The following CCSER1 variants were observed in gnomAD, a reference collection of about 807,000 sequenced individuals.
CCSER1 encodes serine-rich coiled-coil domain-containing protein 1.
CCSER1 carries 41 observed loss-of-function variants against 82.0 expected under a neutral mutation model. The observed-to-expected ratio is 0.50, with a 90% CI of 0.39 to 0.65. The LOEUF (loss-of-function observed/expected upper bound fraction) is 0.65, where lower values mean the gene tolerates loss of function less well. Among genes scored for constraint, CCSER1 ranks in the 30% least tolerant of loss-of-function variants. The pLI, the probability that CCSER1 is intolerant of heterozygous loss-of-function variation, is 0.00. For missense variants in CCSER1, 1,119 were observed against 1,064.2 expected (o/e 1.05, Z -0.72); for synonymous variants, 414 against 383.9 (o/e 1.08, Z -0.92).
At position 90,449,695 on chromosome 4, in the gene CCSER1, G is replaced by C. The variant is rs116403741; in HGVS notation, c.1604-18539G>C. Among the ~76,000 whole-genome samples the C allele has an allele frequency of 8.1e-3, 1,227 of 152,330 alleles. 14 individuals are homozygous for C. Among genetic ancestry groups the C allele is most frequent in the African/African-American group, 0.028 (1,172 of 41,582 alleles). Reference sequence around the variant, plus strand: ...CACACCTGGCTGGGTCATAACAGTTGTCAGGCTTGGCAACAACTTTGCTCC... The same window carrying C: ...CACACCTGGCTGGGTCATAACAGTTCTCAGGCTTGGCAACAACTTTGCTCC... On this transcript the variant is annotated intron_variant, in intron 4 of 10. Coordinates refer to ENST00000509176, the MANE Select transcript of CCSER1 (RefSeq NM_001145065.2).
intron 5 of CCSER1, among the ~76,000 whole-genome samples, chr4:90,573,370 T>C (rs1264701552): frequency 6.6e-6 from 1 of 152,236 alleles, no homozygotes; most frequent in Non-Finnish European, 1.5e-5. Flanking sequence ...TATGGGACTA[T>C]AGGGATATCC....
chr4:90,326,055 C>CTTTTTTT (rs371592827), intron 3 of CCSER1, among the ~76,000 whole-genome samples: 135 of 111,590 alleles, frequency 1.2e-3, no homozygotes, highest in African/African-American at 3.9e-3. Flanking sequence ...TATGTGATAC[C>CTTTTTTT]TTTTTTTTTT....
rs76886272 is a variant in CCSER1, at chr4:90,333,906, T to G, written c.1509+20859T>G. Reference sequence around the variant, plus strand: ...TAGACAAAAACATTTGTATCATCATTGGATACAAATTTGCAAGTTACCTTT... The same window carrying G: ...TAGACAAAAACATTTGTATCATCATGGGATACAAATTTGCAAGTTACCTTT... On this transcript the variant is annotated intron_variant, in intron 3 of 10. Coordinates refer to ENST00000509176, the MANE Select transcript of CCSER1 (RefSeq NM_001145065.2). 9.2e-5 allele frequency among the ~76,000 whole-genome samples: 14 copies of G among 152,292 alleles called. No individual in the cohort carries two copies. In the East Asian group the frequency reaches 2.7e-3, roughly 29 times the overall value.
intron 10 of CCSER1, among the ~76,000 whole-genome samples, chr4:91,392,507 A>G (rs568903550): frequency 2.0e-5 from 3 of 152,246 alleles, no homozygotes; most frequent in African/African-American, 7.2e-5. Flanking sequence ...AGATTGCATA[A>G]TCCAGCTAAA....
intron 6 of CCSER1, among the ~76,000 whole-genome samples, chr4:90,718,707 G>T (rs1351266113): frequency 6.6e-6 from 1 of 152,004 alleles, no homozygotes; most frequent in Non-Finnish European, 1.5e-5. Flanking sequence ...AAACTCAGAG[G>T]CTATGAGTAA....
intron 7 of CCSER1, chr4:90,780,320 G>A (rs1753598001): frequency 1.7e-5 from 17 of 1,022,220 alleles, no homozygotes; most frequent in Non-Finnish European, 1.9e-5. Flanking sequence ...GTCCTTTTAC[G>A]CTTCCCATCT....
intron 5 of CCSER1, among the ~76,000 whole-genome samples, chr4:90,624,185 G>T (rs1722873391): frequency 6.6e-6 from 1 of 152,022 alleles, no homozygotes; most frequent in Non-Finnish European, 1.5e-5. Context: ...GATGCTTTTG[G>T]CCATAGACAT....
At chr4:91,395,333 A>G (rs4411947) in intron 10 of CCSER1, among the ~76,000 whole-genome samples, 34,668 of 152,094 alleles carry the variant, frequency 0.23, 4,639 homozygotes, top group Middle Eastern at 0.37. Flanking sequence ...GGATGTGACT[A>G]TATCAAGAGA....
At chr4:91,196,822 A>G (rs1735478775) in intron 10 of CCSER1, among the ~76,000 whole-genome samples, 1 of 152,242 alleles carries the variant, frequency 6.6e-6, no homozygotes, top group Non-Finnish European at 1.5e-5. Flanking sequence ...ACTTAGCAGC[A>G]TACCTAAATA....
At chr4:90,869,381 G>T (rs911180057) in intron 8 of CCSER1, among the ~76,000 whole-genome samples, 2 of 151,964 alleles carry the variant, frequency 1.3e-5, no homozygotes, top group Non-Finnish European at 2.9e-5. Flanking sequence ...TTTTGCATAT[G>T]GGTAGCAATA....
intron 10 of CCSER1, among the ~76,000 whole-genome samples, chr4:91,479,388 A>G (rs1757767479): frequency 6.6e-6 from 1 of 152,072 alleles, no homozygotes; most frequent in East Asian, 1.9e-4. Flanking sequence ...GATATGATAG[A>G]GAATTAGGAT....
In CCSER1 at chr4:90,213,971, G is replaced by A. The variant is rs574300127; in HGVS notation, c.-42+86140G>A. On this transcript the variant is annotated intron_variant, in intron 1 of 10. Transcript: ENST00000509176. ...AGAATAGAATAAGTCAATAGCTGGA[G>A]GGAGGAGAGGGATTAAGGAATTTTT... Among the ~76,000 whole-genome samples, 13 of 152,268 alleles carry A rather than the reference G, an allele frequency of 8.5e-5. No individual in the cohort carries two copies. The South Asian group carries it at 2.5e-3, about 29-fold the overall frequency.
intron 5 of CCSER1, among the ~76,000 whole-genome samples, chr4:90,515,151 C>T (rs572473207): frequency 1.2e-3 from 181 of 152,218 alleles, no homozygotes; most frequent in Admixed American, 3.4e-3. Flanking sequence ...CCACCGCAAC[C>T]GGCCACATAG....
At chr4:90,276,294 C>T (rs1727744690) in intron 1 of CCSER1, among the ~76,000 whole-genome samples, 2 of 127,322 alleles carry the variant, frequency 1.6e-5, no homozygotes, top group African/African-American at 6.4e-5. Flanking sequence ...TTCCTTCCTT[C>T]CTTCCTTCCT....
At chr4:90,294,723 A>T (rs1731538628) in intron 1 of CCSER1, among the ~76,000 whole-genome samples, 1 of 152,042 alleles carries the variant, frequency 6.6e-6, no homozygotes. Context: ...GTAATTCATG[A>T]ATTCATTCTG....
intron 4 of CCSER1, among the ~76,000 whole-genome samples, chr4:90,455,711 G>C (rs1762074562): frequency 6.6e-6 from 1 of 152,184 alleles, no homozygotes; most frequent in Admixed American, 6.5e-5. Context: ...TACCCAACAG[G>C]AGTATTCACA....
intron 10 of CCSER1, among the ~76,000 whole-genome samples, chr4:91,109,484 T>G (rs11097300): frequency 6.6e-6 from 1 of 151,630 alleles, no homozygotes; most frequent in South Asian, 2.1e-4. Context: ...TAGGTAGTCC[T>G]AAGTTAAAAA....
intron 8 of CCSER1, among the ~76,000 whole-genome samples, chr4:90,822,967 G>C (rs1759960867): frequency 6.7e-6 from 1 of 149,334 alleles, no homozygotes. Flanking sequence ...TTCAATGCTA[G>C]TGAAATTTAA....
intron 9 of CCSER1, among the ~76,000 whole-genome samples, chr4:91,007,438 T>A (rs1053967686): frequency 3.9e-5 from 6 of 152,162 alleles, no homozygotes; most frequent in Non-Finnish European, 7.4e-5. Flanking sequence ...GCTGGATGAA[T>A]TAATTATTGA....
Sources: gnomAD v4.1 joint callset for allele counts (sites outside exome capture counted in the v4.1 genomes callset) on GRCh38, gnomAD v4.1.1 for gene constraint, MANE v1.5 for transcripts, NCBI Gene and HGNC (gene_info 2026-07-23, HGNC 2026-07-21) for gene names.